The following SMU1 variants were observed in gnomAD, a reference collection of about 807,000 sequenced individuals.
The protein encoded by SMU1 is WD40 repeat-containing protein SMU1.
A neutral mutation model predicts 62.0 loss-of-function variants in SMU1; 2 were observed. The ratio of observed to expected loss-of-function variants is 0.03; its 90% CI spans 0.01 to 0.10. The LOEUF is 0.10. SMU1 is among the 10% of genes least tolerant of loss of function. The pLI, the probability that SMU1 is intolerant of heterozygous loss-of-function variation, is 1.00. For missense variants in SMU1, 227 were observed against 622.1 expected, an observed-to-expected ratio of 0.36 and a Z score of 6.76; for synonymous variants, 188 against 212.4, an observed-to-expected ratio of 0.89 and a Z score of 1.00.
At position 33,076,655 on chromosome 9, in the gene SMU1, T is replaced by G. The variant is rs369275480; in HGVS notation, c.-47A>C. The G allele has an allele frequency of 1.2e-4, 200 of 1,613,270 alleles. 1 individual carries two copies. Among genetic ancestry groups the G allele is most frequent in the South Asian group, 3.7e-4 (34 of 91,062 alleles). Reference sequence around the variant, plus strand: ...GGCCCCAGCTCTCCCTCAAGGCCAGTCGCGCAACACACCAACGACACCTCC... The same window carrying G: ...GGCCCCAGCTCTCCCTCAAGGCCAGGCGCGCAACACACCAACGACACCTCC... On this transcript the variant is annotated 5_prime_UTR_variant, in exon 1 of 12. Transcript: ENST00000397149.
chr9:33,056,143 A>G lies in SMU1; in HGVS notation c.1092T>C (p.Ile364=). 2 of 1,613,006 alleles carry G rather than the reference A, an allele frequency of 1.2e-6. No individual in the cohort carries two copies. The highest frequency in any genetic ancestry group is 8.5e-7 in the Non-Finnish European group (1 of 1,179,470). Residue 364 remains isoleucine (I), a synonymous_variant, in exon 9 of 12, where the codon ATT becomes ATC. Transcript: ENST00000397149. ...EATFTQDGHY[I]ISASSDGTVK... Reference sequence around the variant, plus strand: ...CAGTGCCATCAGAGGATGCACTAATAATGTAATGTCCATCTTGTGTAAATG... The same window carrying G: ...CAGTGCCATCAGAGGATGCACTAATGATGTAATGTCCATCTTGTGTAAATG...
At chr9:33,071,931 T>G in intron 2 of SMU1, 39 bp from the exon 3 acceptor site, 1 of 1,483,476 alleles carries the variant, frequency 6.7e-7, no homozygotes, top group Non-Finnish European at 8.9e-7. Context: ...CCCCAGATGT[T>G]TCAACACACC....
intron 1 of SMU1, among the ~76,000 whole-genome samples, chr9:33,075,220 C>CA (rs1255351126): frequency 6.6e-6 from 1 of 151,988 alleles, no homozygotes; most frequent in Non-Finnish European, 1.5e-5. Flanking sequence ...ACTAAAAATA[C>CA]AAAAAAATTA....
At chr9:33,071,125 T>C (rs1174775472) in intron 3 of SMU1, among the ~76,000 whole-genome samples, 2 of 152,084 alleles carry the variant, frequency 1.3e-5, no homozygotes, top group Non-Finnish European at 2.9e-5. Context: ...ACCCCATAAA[T>C]ATATACACCT....
chr9:33,048,397 T>C, intron 10 of SMU1, 139 bp from the exon 11 acceptor site: 2 of 1,018,394 alleles, frequency 2.0e-6, no homozygotes, highest in South Asian at 3.4e-5. Flanking sequence ...TCCAGTCCTG[T>C]TCATCATGTG....
intron 9 of SMU1, among the ~76,000 whole-genome samples, chr9:33,055,059 T>G (rs1486037226): frequency 3.3e-5 from 5 of 152,190 alleles, no homozygotes; most frequent in East Asian, 1.9e-4. Context: ...CTCTGTGTGA[T>G]TTCCCCATAC....
intron 3 of SMU1, among the ~76,000 whole-genome samples, chr9:33,069,907 C>A (rs1189767787): frequency 1.3e-5 from 2 of 152,192 alleles, no homozygotes; most frequent in Non-Finnish European, 2.9e-5. Context: ...GGGTGGACTG[C>A]TTGAGGCCAG....
chr9:33,064,827 C>A (rs1225453893), intron 4 of SMU1, among the ~76,000 whole-genome samples: 1 of 151,788 alleles, frequency 6.6e-6, no homozygotes, highest in East Asian at 1.9e-4. Flanking sequence ...ACTGCAAACT[C>A]TGCCTCCCGG....
At position 33,074,772 on chromosome 9, in the gene SMU1, CT is replaced by C. The variant is rs757049046; in HGVS notation, c.27-967del. ...TTCCTGAGGAGAAAGCAAACATCCT[CT>C]TTTTTTTTTTTTTTTTTGAGAAATG... On this transcript the variant is annotated intron_variant, in intron 1 of 11. Transcript: ENST00000397149. 5.0e-3 allele frequency among the ~76,000 whole-genome samples: 668 copies of C among 133,940 alleles called. 4 individuals are homozygous for C. The highest frequency in any genetic ancestry group is 0.014 in the African/African-American group (500 of 36,416). The allele number at this position is 133,940 out of a possible 152,430, so 87.9% of individuals were successfully genotyped here.
At chr9:33,074,638 G>A (rs76239216) in intron 1 of SMU1, among the ~76,000 whole-genome samples, 6,809 of 151,946 alleles carry the variant, frequency 0.045, 178 homozygotes, top group East Asian at 0.1. Context: ...AAACCTATGA[G>A]GTAAGTTTAC....
chr9:33,055,826 G>A (rs950215342), intron 9 of SMU1, among the ~76,000 whole-genome samples: 6 of 152,196 alleles, frequency 3.9e-5, no homozygotes, highest in African/African-American at 1.4e-4. Context: ...ACCACCATGT[G>A]TATCTGTGAA....
At chr9:33,068,569 C>T (rs994898082) in intron 4 of SMU1, among the ~76,000 whole-genome samples, 1 of 152,096 alleles carries the variant, frequency 6.6e-6, no homozygotes, top group African/African-American at 2.4e-5. Flanking sequence ...AGTATAATGG[C>T]ATGATCATAG....
At position 33,044,417 on chromosome 9, in the gene SMU1, G is replaced by C. The variant is rs1186277504; in HGVS notation, c.*2876C>G. ...GGGGCTCTACCGGCCCTGGACCCAAGATGGGACTCCTACCTCCGACCACCC... is the reference window on the plus strand; with the variant it reads ...GGGGCTCTACCGGCCCTGGACCCAACATGGGACTCCTACCTCCGACCACCC... On this transcript the variant is annotated 3_prime_UTR_variant, in exon 12 of 12. Transcript: ENST00000397149. The C allele has an allele frequency of 1.3e-5, 2 of 152,344 alleles. No individual in the cohort carries two copies. Among genetic ancestry groups the C allele is most frequent in the African/African-American group, 2.4e-5 (1 of 41,464 alleles). The allele number at this position is 152,344 out of a possible 1,614,324, so 9.4% of individuals were successfully genotyped here. A position where few individuals can be genotyped will look rare whatever the true frequency, so the allele number is the denominator to read the frequency against.
chr9:33,047,193 A>G lies in SMU1; in HGVS notation c.*100T>C. On this transcript the variant is annotated 3_prime_UTR_variant, in exon 12 of 12. Coordinates refer to ENST00000397149, the MANE Select transcript of SMU1 (RefSeq NM_018225.3). Reference sequence around the variant, plus strand: ...ATTCTGTGACTAATTCAGACAATCTATTTGCTTAGAAAAGCTGGCAAAAAA... The same window carrying G: ...ATTCTGTGACTAATTCAGACAATCTGTTTGCTTAGAAAAGCTGGCAAAAAA... 2.9e-6 allele frequency: 2 copies of G among 688,518 alleles called. No homozygotes were observed. Among genetic ancestry groups the G allele is most frequent in the African/African-American group, 2.0e-5 (1 of 49,618 alleles). The allele number at this position is 688,518 out of a possible 1,614,324, so 42.7% of individuals were successfully genotyped here. A position where few individuals can be genotyped will look rare whatever the true frequency, so the allele number is the denominator to read the frequency against.
In SMU1 at chr9:33,043,701, A is replaced by G. The variant is rs1839150425; in HGVS notation, c.*3592T>C. 1 of 152,176 alleles carries G rather than the reference A, an allele frequency of 6.6e-6. No individual in the cohort carries two copies. The highest frequency in any genetic ancestry group is 1.5e-5 in the Non-Finnish European group (1 of 68,038). 9.4% of individuals were successfully genotyped at this position (152,176 alleles called of 1,614,324 possible). A position where few individuals can be genotyped will look rare whatever the true frequency, so the allele number is the denominator to read the frequency against. On this transcript the variant is annotated 3_prime_UTR_variant, in exon 12 of 12. Transcript: ENST00000397149. Reference sequence around the variant, plus strand: ...TAAAGATTGAGGAGGAACTGACAGCAATATTGAGAGTGAGGCAAGAGAGAA... The same window carrying G: ...TAAAGATTGAGGAGGAACTGACAGCGATATTGAGAGTGAGGCAAGAGAGAA...
intron 2 of SMU1, among the ~76,000 whole-genome samples, chr9:33,072,095 A>G (rs1264767008): frequency 6.6e-6 from 1 of 151,296 alleles, no homozygotes; most frequent in South Asian, 2.1e-4. Flanking sequence ...ACACTGTGGG[A>G]GGCCAAGATG....
chr9:33,064,677 T>C (rs2119441648), intron 4 of SMU1, among the ~76,000 whole-genome samples: 1 of 152,258 alleles, frequency 6.6e-6, no homozygotes, highest in East Asian at 1.9e-4. Context: ...AAATGCAGTA[T>C]TTCTAAGACT....
chr9:33,064,106 C>CT (rs932646066), intron 4 of SMU1, among the ~76,000 whole-genome samples: 50 of 147,488 alleles, frequency 3.4e-4, no homozygotes, highest in East Asian at 2.6e-3. Flanking sequence ...CTTTTACCAA[C>CT]TTTTTTTTTT....
chr9:33,064,705 C>T (rs1254863270), intron 4 of SMU1, among the ~76,000 whole-genome samples: 1 of 151,066 alleles, frequency 6.6e-6, no homozygotes, highest in Non-Finnish European at 1.5e-5. Flanking sequence ...TCTCAACATT[C>T]TTCCTTTCCA....
Sources: allele counts gnomAD v4.1 joint callset (sites outside exome capture counted in the v4.1 genomes callset), GRCh38; gene constraint gnomAD v4.1.1; transcripts MANE v1.5; gene names NCBI Gene and HGNC (gene_info 2026-07-23, HGNC 2026-07-21).